The following DTNB variants were observed in gnomAD, a reference collection of about 807,000 sequenced individuals.
The protein encoded by DTNB is dystrobrevin beta.
DTNB carries 63 observed loss-of-function variants against 90.7 expected under a neutral mutation model. That is an observed-to-expected ratio of 0.69 (90% CI 0.57 to 0.86). DTNB has a LOEUF of 0.86. Ranked by LOEUF, DTNB falls within the 40% of genes least tolerant of loss-of-function variation. DTNB has a pLI of 0.00. For missense variants in DTNB, 744 were observed against 807.1 expected, an observed-to-expected ratio of 0.92 and a Z score of 0.95; for synonymous variants, 277 against 286.7, an observed-to-expected ratio of 0.97 and a Z score of 0.34.
At chr2:25,635,075 A>T (rs1345088032) in intron 3 of DTNB, among the ~76,000 whole-genome samples, 1 of 149,376 alleles carries the variant, frequency 6.7e-6, no homozygotes, top group Non-Finnish European at 1.5e-5. Context: ...AAAAAATAAA[A>T]AAAGAAAAAA....
At chr2:25,580,551 CT>C (rs1255215762) in intron 7 of DTNB, among the ~76,000 whole-genome samples, 169 bp downstream of exon 7, 1 of 151,632 alleles carries the variant, frequency 6.6e-6, no homozygotes, top group Admixed American at 6.6e-5. Flanking sequence ...AGTACCCTCC[CT>C]TTTTTAAAAA....
intron 16 of DTNB, among the ~76,000 whole-genome samples, chr2:25,408,804 G>A (rs906557606): frequency 9.9e-5 from 15 of 152,172 alleles, no homozygotes; most frequent in East Asian, 7.7e-4. Flanking sequence ...TAGCACTATC[G>A]TTACTATGGA....
chr2:25,394,025 A>T (rs1415078292), intron 16 of DTNB, among the ~76,000 whole-genome samples: 1 of 152,226 alleles, frequency 6.6e-6, no homozygotes, highest in Non-Finnish European at 1.5e-5. Context: ...TCAAAACAGC[A>T]TGGTACTGGT....
intron 5 of DTNB, among the ~76,000 whole-genome samples, chr2:25,602,052 G>A (rs532008882): frequency 5.3e-4 from 80 of 151,420 alleles, no homozygotes; most frequent in African/African-American, 1.9e-3. Context: ...AACCCGGGAG[G>A]TGGAAGCTGC....
intron 14 of DTNB, among the ~76,000 whole-genome samples, chr2:25,428,906 G>T (rs2052857412): frequency 6.6e-6 from 1 of 152,132 alleles, no homozygotes; most frequent in African/African-American, 2.4e-5. Context: ...GATCATATAA[G>T]GTAATAAATA....
At chr2:25,494,065 T>C (rs1217784782) in intron 9 of DTNB, among the ~76,000 whole-genome samples, 1 of 152,228 alleles carries the variant, frequency 6.6e-6, no homozygotes, top group African/African-American at 2.4e-5. Flanking sequence ...TCTTTACTTT[T>C]GCAGCATTGG....
chr2:25,487,415 G>C (rs1355464260), intron 9 of DTNB, among the ~76,000 whole-genome samples: 1 of 152,210 alleles, frequency 6.6e-6, no homozygotes, highest in Non-Finnish European at 1.5e-5. Context: ...CTCTAGAGAG[G>C]ACTTAAAGTA....
At chr2:25,519,959 CAATA>C (rs1558858589) in intron 9 of DTNB, among the ~76,000 whole-genome samples, 1 of 152,174 alleles carries the variant, frequency 6.6e-6, no homozygotes, top group African/African-American at 2.4e-5. Context: ...AATACACACT[CAATA>C]AATACTGTGG....
intron 16 of DTNB, among the ~76,000 whole-genome samples, chr2:25,399,198 AC>A: frequency 6.6e-6 from 1 of 151,902 alleles, no homozygotes; most frequent in Non-Finnish European, 1.5e-5. Context: ...ACAGGCGTGC[AC>A]CACCATGCCC....
intron 16 of DTNB, among the ~76,000 whole-genome samples, chr2:25,403,288 G>A (rs778459458): frequency 1.1e-4 from 16 of 152,150 alleles, no homozygotes; most frequent in Non-Finnish European, 2.1e-4. Flanking sequence ...GCTAATTTTT[G>A]TATTTTTAGT....
At chr2:25,477,965 T>G (rs901106950) in intron 10 of DTNB, among the ~76,000 whole-genome samples, 2 of 151,500 alleles carry the variant, frequency 1.3e-5, no homozygotes, top group Admixed American at 1.3e-4. Flanking sequence ...GCTACCAAAA[T>G]TTTGTTGCTA....
chr2:25,598,813 C>T (rs1201096148), intron 5 of DTNB: 2 of 151,470 alleles, frequency 1.3e-5, no homozygotes, highest in African/African-American at 2.4e-5. Flanking sequence ...CGGTGATAAG[C>T]AGGAAACAGG....
chr2:25,388,805 CGTGTGTGT>C (rs112323714), intron 16 of DTNB, among the ~76,000 whole-genome samples: 11 of 149,258 alleles, frequency 7.4e-5, no homozygotes, highest in Admixed American at 4.7e-4. Context: ...AAAGGACATA[CGTGTGTGT>C]GTGTGTGTGT....
chr2:25,579,287 G>A (rs978703775), intron 7 of DTNB, among the ~76,000 whole-genome samples: 6 of 152,164 alleles, frequency 3.9e-5, no homozygotes, highest in Non-Finnish European at 7.4e-5. Context: ...GAGAGATTCT[G>A]GTCCTTTAAG....
In DTNB at chr2:25,524,422, T is replaced by TG. The variant is rs1299397711; in HGVS notation, c.1001+7050dup. 2.4e-3 allele frequency among the ~76,000 whole-genome samples: 318 copies of TG among 131,688 alleles called. 1 individual carries two copies. Among genetic ancestry groups the TG allele is most frequent in the African/African-American group, 5.1e-3 (180 of 35,050 alleles). The allele number at this position is 131,688 out of a possible 152,430, so 86.4% of individuals were successfully genotyped here. On this transcript the variant is annotated intron_variant, in intron 9 of 20. Transcript: ENST00000406818. The stretch of plus-strand genomic sequence containing the variant: ...AGAGCTTTTTTTTTTTTTTTTTTGG[T>TG]GGGGGGGGTGGTCTGCTGACTATAT...
At chr2:25,557,700 A>C (rs1012866452) in intron 8 of DTNB, among the ~76,000 whole-genome samples, 8 of 152,220 alleles carry the variant, frequency 5.3e-5, no homozygotes, top group Admixed American at 5.2e-4. Context: ...GATTCTTTCC[A>C]GGGAATTCTG....
At chr2:25,495,366 TTCTC>T (rs1274680626) in intron 9 of DTNB, among the ~76,000 whole-genome samples, 1 of 152,096 alleles carries the variant, frequency 6.6e-6, no homozygotes, top group South Asian at 2.1e-4. Context: ...GTGCCCAGCC[TTCTC>T]TCTCTCTTTT....
intron 8 of DTNB, among the ~76,000 whole-genome samples, chr2:25,538,095 A>G (rs75960767): frequency 0.013 from 1,923 of 152,258 alleles, 41 homozygotes; most frequent in African/African-American, 0.042. Context: ...TTTTTAAAAT[A>G]TATCAGGCTG....
chr2:25,505,816 A>G (rs1447007472), intron 9 of DTNB, among the ~76,000 whole-genome samples: 2 of 152,204 alleles, frequency 1.3e-5, no homozygotes, highest in Non-Finnish European at 2.9e-5. Flanking sequence ...CAATGTCTTC[A>G]TCATCGCTAA....
Sources: gnomAD v4.1 joint callset for allele counts (sites outside exome capture counted in the v4.1 genomes callset) on GRCh38, gnomAD v4.1.1 for gene constraint, MANE v1.5 for transcripts, NCBI Gene and HGNC (gene_info 2026-07-23, HGNC 2026-07-21) for gene names.